Variants in SLC4A8 observed in about 807,000 individuals in gnomAD.
SLC4A8 encodes the protein solute carrier family 4 member 8, also known as electroneutral sodium bicarbonate exchanger 1.
In SLC4A8, 40 loss-of-function variants were observed where a neutral mutation model predicts 125.0. The ratio of observed to expected loss-of-function variants is 0.32; its 90% confidence interval spans 0.25 to 0.42. The LOEUF is 0.42. Among genes scored for constraint, SLC4A8 ranks in the 10% least tolerant of loss-of-function variants. The pLI is 1.00. For synonymous variants in SLC4A8, 456 were observed against 476.0 expected (o/e 0.96, Z 0.55); for missense variants, 863 against 1,355.1 (o/e 0.64, Z 5.70).
intron 1 of SLC4A8, among the ~76,000 whole-genome samples, chr12:51,413,732 A>C (rs893709477): frequency 5.3e-5 from 8 of 152,038 alleles, no homozygotes; most frequent in Middle Eastern, 3.2e-3. Flanking sequence ...TTGGCTGTAA[A>C]TATGTGGATT....
At chr12:51,460,690 G>T (rs1405344656) in intron 8 of SLC4A8, among the ~76,000 whole-genome samples, 1 of 152,210 alleles carries the variant, frequency 6.6e-6, no homozygotes. Context: ...TTGCAGATAT[G>T]CAAACATTTG....
chr12:51,504,393 G>T (rs1397774457), intron 23 of SLC4A8, among the ~76,000 whole-genome samples: 1 of 152,136 alleles, frequency 6.6e-6, no homozygotes, highest in African/African-American at 2.4e-5. Context: ...TGTGCTAGAG[G>T]GTTTACTTAT....
chr12:51,466,515 A>C (rs926400031), intron 11 of SLC4A8: 4 of 142,236 alleles, frequency 2.8e-5, no homozygotes, highest in African/African-American at 7.6e-5. Context: ...CTACGCGGGT[A>C]AGTCCTCTCT....
chr12:51,470,942 C>A (rs933983563), intron 13 of SLC4A8, among the ~76,000 whole-genome samples: 2 of 151,578 alleles, frequency 1.3e-5, no homozygotes. Flanking sequence ...CCTATACAAT[C>A]TTTTCTTTTT....
intron 6 of SLC4A8, 129 bp downstream of exon 6, chr12:51,457,668 C>G (rs1950196310): frequency 2.5e-6 from 2 of 794,402 alleles, no homozygotes; most frequent in East Asian, 2.6e-5. Flanking sequence ...GCACTTAGTA[C>G]TTTTTGGAGA....
intron 1 of SLC4A8, among the ~76,000 whole-genome samples, chr12:51,406,173 A>G (rs1432918406): frequency 1.3e-5 from 2 of 152,188 alleles, no homozygotes; most frequent in Non-Finnish European, 2.9e-5. Flanking sequence ...TGGGGTTAGG[A>G]CCAGAGAGGG....
upstream of SLC4A8, among the ~76,000 whole-genome samples, chr12:51,423,637 C>A (rs1948845672): frequency 6.6e-6 from 1 of 152,168 alleles, no homozygotes; most frequent in African/African-American, 2.4e-5. Context: ...GACTACCTTC[C>A]CCAACTGTAG....
chr12:51,477,932 A>G (rs1230403772), intron 16 of SLC4A8, among the ~76,000 whole-genome samples: 1 of 152,168 alleles, frequency 6.6e-6, no homozygotes, highest in Non-Finnish European at 1.5e-5. Context: ...GGAGTTTGAG[A>G]CCAGCCTGGC....
chr12:51,407,538 G>A (rs182795555), intron 1 of SLC4A8, among the ~76,000 whole-genome samples: 1 of 152,112 alleles, frequency 6.6e-6, no homozygotes, highest in South Asian at 2.1e-4. Context: ...CAAAGAGCTG[G>A]AATCATAGGT....
At chr12:51,452,093 A>C (rs202005995) in intron 3 of SLC4A8, 31 bp from the exon 4 acceptor site, 1 of 1,613,100 alleles carries the variant, frequency 6.2e-7, no homozygotes. Context: ...GTGAGGCTAG[A>C]GCAGACCTTT....
chr12:51,435,555 C>T (rs924880113), intron 1 of SLC4A8, among the ~76,000 whole-genome samples: 7 of 152,032 alleles, frequency 4.6e-5, no homozygotes, highest in East Asian at 1.9e-4. Flanking sequence ...CTTAGGAGTT[C>T]GAGACCAGCC....
At chr12:51,440,643 C>T (rs1389402350) in intron 1 of SLC4A8, 65 bp from the exon 2 acceptor site, 1 of 1,256,298 alleles carries the variant, frequency 8.0e-7, no homozygotes, top group African/African-American at 1.5e-5. Context: ...ATCTGGCATA[C>T]ACAAGGTTTG....
intron 1 of SLC4A8, among the ~76,000 whole-genome samples, chr12:51,406,970 T>C (rs1948500578): frequency 6.6e-6 from 1 of 152,208 alleles, no homozygotes; most frequent in African/African-American, 2.4e-5. Flanking sequence ...TATGTCTTAC[T>C]CCATTTGGGC....
chr12:51,473,401 A>G (rs1182285943), intron 14 of SLC4A8, among the ~76,000 whole-genome samples: 2 of 152,164 alleles, frequency 1.3e-5, no homozygotes, highest in African/African-American at 4.8e-5. Flanking sequence ...AGTACTGAAT[A>G]ATATTCCATT....
At chr12:51,472,858 A>G (rs1211821518) in intron 14 of SLC4A8, among the ~76,000 whole-genome samples, 1 of 152,182 alleles carries the variant, frequency 6.6e-6, no homozygotes, top group Non-Finnish European at 1.5e-5. Context: ...ATTTTATGTT[A>G]ATATGTATGT....
intron 1 of SLC4A8, among the ~76,000 whole-genome samples, chr12:51,400,503 G>GA (rs1165724033): frequency 4.7e-5 from 7 of 149,826 alleles, no homozygotes; most frequent in African/African-American, 7.4e-5. Context: ...GTGGTACTAA[G>GA]AAAAAAAACC....
At position 51,449,481 on chromosome 12, in the gene SLC4A8, G is replaced by C. The variant is rs532633528; in HGVS notation, c.131-1395G>C. Among the ~76,000 whole-genome samples the C allele has an allele frequency of 5.9e-5, 9 of 152,194 alleles. No homozygotes were observed. The South Asian group carries it at 6.2e-4, about 11-fold the overall frequency. On this transcript the variant is annotated intron_variant, in intron 2 of 24. Transcript: ENST00000453097. ...AAAGTCACCTGCTCTCAGCAGGAAG[G>C]AATGTGGATAAGGTTGTGGATTTGA...
At chr12:51,494,871 G>A in intron 20 of SLC4A8, 74 bp from the exon 21 acceptor site, 2 of 1,182,202 alleles carry the variant, frequency 1.7e-6, no homozygotes, top group South Asian at 2.8e-5. Flanking sequence ...TAATGTAAGA[G>A]ATATGAATTG....
intron 1 of SLC4A8, among the ~76,000 whole-genome samples, chr12:51,408,203 G>C (rs1443525798): frequency 1.3e-5 from 2 of 152,190 alleles, no homozygotes; most frequent in East Asian, 3.9e-4. Flanking sequence ...ATCCTTTTCT[G>C]GGGGACACAA....
Sources: gnomAD v4.1 joint callset for allele counts (sites outside exome capture counted in the v4.1 genomes callset) on GRCh38, gnomAD v4.1.1 for gene constraint, MANE v1.5 for transcripts, NCBI Gene and HGNC (gene_info 2026-07-23, HGNC 2026-07-21) for gene names.